The following COL4A5 variants were observed in gnomAD, a reference collection of about 807,000 sequenced individuals.
COL4A5 encodes the protein collagen type IV alpha 5 chain.
COL4A5 carries 26 observed loss-of-function variants against 130.2 expected under a neutral mutation model. That is an observed-to-expected ratio of 0.20 (90% CI 0.15 to 0.28). The LOEUF (loss-of-function observed/expected upper bound fraction) is 0.28, where lower values mean the gene tolerates loss of function less well. Among genes scored for constraint, COL4A5 ranks in the 10% least tolerant of loss-of-function variants. The pLI, the probability that COL4A5 is intolerant of heterozygous loss-of-function variation, is 1.00. For synonymous variants in COL4A5, 496 were observed against 439.6 expected (o/e 1.13, Z -1.60); for missense variants, 1,131 against 1,344.3 (o/e 0.84, Z 2.48).
At chrX:108,539,725 C>A in intron 1 of COL4A5, 21 bp from the exon 2 acceptor site, 1 of 1,192,413 alleles carries the variant, frequency 8.4e-7, no homozygotes, top group Non-Finnish European at 1.1e-6. Context: ...ATGATTTTTT[C>A]CCTCTTTCTC....
rs185391446 is a variant in COL4A5 at position 108,457,722 on chromosome X, A to G, written c.81+17516A>G. ...CCTCAAAATGTTTCCTCATATTGCTATGTAATTAACCTCTCTACTTACCCA... is the reference window on the plus strand; with the variant it reads ...CCTCAAAATGTTTCCTCATATTGCTGTGTAATTAACCTCTCTACTTACCCA... On this transcript the variant is annotated intron_variant, in intron 1 of 52. Transcript: ENST00000328300. Among the ~76,000 whole-genome samples the G allele has an allele frequency of 7.1e-4, 79 of 111,780 alleles. 1 individual carries two copies. The highest frequency in any genetic ancestry group is 4.7e-3 in the Middle Eastern group (1 of 215).
At chrX:108,445,633 C>T (rs1263387298) in intron 1 of COL4A5, among the ~76,000 whole-genome samples, 1 of 111,696 alleles carries the variant, frequency 9.0e-6, no homozygotes, top group Non-Finnish European at 1.9e-5. Context: ...TTTAGCCTCT[C>T]CCAGTTTCGT....
At chrX:108,453,980 A>C (rs1413949013) in intron 1 of COL4A5, among the ~76,000 whole-genome samples, 1 of 112,323 alleles carries the variant, frequency 8.9e-6, no homozygotes, top group African/African-American at 3.2e-5. Context: ...GACACACACA[A>C]AAAATAGCTA....
At chrX:108,497,642 A>G (rs1008185483) in intron 1 of COL4A5, among the ~76,000 whole-genome samples, 5 of 111,411 alleles carry the variant, frequency 4.5e-5, no homozygotes, top group African/African-American at 1.6e-4. Context: ...TGTATTCTGT[A>G]TTGCATTCTA....
chrX:108,601,801 A>G (rs748428530), intron 26 of COL4A5, 84 bp from the exon 27 acceptor site: 35 of 596,846 alleles, frequency 5.9e-5, no homozygotes, highest in Non-Finnish European at 8.9e-5. Context: ...AAGTGCTGGG[A>G]TTACAAGAGT....
intron 36 of COL4A5, among the ~76,000 whole-genome samples, chrX:108,650,290 T>C (rs931500921): frequency 9.0e-6 from 1 of 111,158 alleles, no homozygotes; most frequent in Non-Finnish European, 1.9e-5. Flanking sequence ...TTGGTGTGGA[T>C]GCGGTGATCA....
chrX:108,479,363 G>C lies in COL4A5; in HGVS notation c.81+39157G>C, dbSNP rs189819038. Among the ~76,000 whole-genome samples, 56 of 112,361 alleles carry C rather than the reference G, an allele frequency of 5.0e-4. No homozygotes were observed. The East Asian group carries it at 0.015, about 30-fold the overall frequency. On this transcript the variant is annotated intron_variant, in intron 1 of 52. Coordinates refer to ENST00000328300, the MANE Select transcript of COL4A5 (RefSeq NM_033380.3). ...GAATCAGTATACAATCGCACATCTG[G>C]CCATTTCTCCTTCCATGCAAAGTGC...
chrX:108,564,910 T>TA lies in COL4A5; in HGVS notation c.276+985dup, dbSNP rs767727729. 2.8e-4 allele frequency among the ~76,000 whole-genome samples: 31 copies of TA among 111,611 alleles called. No homozygotes were observed. The South Asian group carries it at 0.011, about 40-fold the overall frequency. Reference sequence around the variant, plus strand: ...TGCCTTATGTGCATCTTGTGACTGATACGGATAGGGTACTGGAGAAGCAGG... The same window carrying TA: ...TGCCTTATGTGCATCTTGTGACTGATAACGGATAGGGTACTGGAGAAGCAGG... On this transcript the variant is annotated intron_variant, in intron 4 of 52. Coordinates refer to ENST00000328300, the MANE Select transcript of COL4A5 (RefSeq NM_033380.3).
At chrX:108,505,283 G>A (rs1281122369) in intron 1 of COL4A5, among the ~76,000 whole-genome samples, 1 of 109,642 alleles carries the variant, frequency 9.1e-6, no homozygotes, top group Admixed American at 9.7e-5. Flanking sequence ...TCAGTACAGT[G>A]TACATTATTT....
Position 108,696,895 on chromosome X carries a change from C to G in COL4A5, c.*517C>G, listed in dbSNP as rs1286280357. ...AAAATGTTGAGTCATTTACATATGACATAGCATGAATCACTCTTTACAGAA... is the reference window on the plus strand; with the variant it reads ...AAAATGTTGAGTCATTTACATATGAGATAGCATGAATCACTCTTTACAGAA... On this transcript the variant is annotated 3_prime_UTR_variant, in exon 53 of 53. Transcript: ENST00000328300. 1 of 112,251 alleles carries G rather than the reference C, an allele frequency of 8.9e-6. No homozygotes were observed. Among genetic ancestry groups the G allele is most frequent in the African/African-American group, 3.3e-5 (1 of 30,669 alleles). The allele number at this position is 112,251 out of a possible 1,213,427, so 9.3% of individuals were successfully genotyped here.
intron 1 of COL4A5, among the ~76,000 whole-genome samples, chrX:108,489,074 A>G (rs186996734): frequency 2.7e-5 from 3 of 112,145 alleles, no homozygotes; most frequent in African/African-American, 9.7e-5. Context: ...AAATAGAATT[A>G]TCCTTTATTT....
intron 1 of COL4A5, among the ~76,000 whole-genome samples, chrX:108,458,267 C>T (rs1184455082): frequency 9.0e-6 from 1 of 111,474 alleles, no homozygotes; most frequent in African/African-American, 3.3e-5. Flanking sequence ...CAGTTTTTAT[C>T]CCATGTGTTT....
chrX:108,633,740 C>G (rs766809176), intron 36 of COL4A5, among the ~76,000 whole-genome samples: 2 of 111,537 alleles, frequency 1.8e-5, no homozygotes, highest in African/African-American at 3.2e-5. Flanking sequence ...AAATTTTACA[C>G]TAAATTTAGA....
chrX:108,632,884 G>A (rs994170334), intron 36 of COL4A5, among the ~76,000 whole-genome samples: 6 of 111,505 alleles, frequency 5.4e-5, no homozygotes, highest in Non-Finnish European at 1.1e-4. Flanking sequence ...TACTGAATGG[G>A]CAAAAACTGG....
intron 16 of COL4A5, 94 bp from the exon 17 acceptor site, chrX:108,582,790 A>C: frequency 1.5e-6 from 1 of 682,576 alleles, no homozygotes; most frequent in South Asian, 2.3e-5. Context: ...CATTTTTGCC[A>C]GTATTCTCAT....
intron 36 of COL4A5, among the ~76,000 whole-genome samples, chrX:108,645,712 T>C (rs2067567533): frequency 9.3e-6 from 1 of 107,442 alleles, no homozygotes; most frequent in Non-Finnish European, 1.9e-5. Context: ...GTATATCTCC[T>C]AATGCTCTCC....
At chrX:108,489,320 T>G (rs2064975190) in intron 1 of COL4A5, among the ~76,000 whole-genome samples, 1 of 111,695 alleles carries the variant, frequency 9.0e-6, no homozygotes, top group Admixed American at 9.5e-5. Flanking sequence ...ATCACCTCTA[T>G]TATAGCAGCT....
At chrX:108,472,294 G>T (rs923136914) in intron 1 of COL4A5, among the ~76,000 whole-genome samples, 1 of 111,436 alleles carries the variant, frequency 9.0e-6, no homozygotes, top group Non-Finnish European at 1.9e-5. Flanking sequence ...ATATGCACTT[G>T]GGAGGAATGT....
intron 1 of COL4A5, among the ~76,000 whole-genome samples, chrX:108,441,353 A>G (rs1394510183): frequency 8.9e-6 from 1 of 112,398 alleles, no homozygotes; most frequent in Non-Finnish European, 1.9e-5. Flanking sequence ...CTTTGTAAGC[A>G]GCTGCTATGT....
Sources: gnomAD v4.1 joint callset for allele counts (sites outside exome capture counted in the v4.1 genomes callset) on GRCh38, gnomAD v4.1.1 for gene constraint, MANE v1.5 for transcripts, NCBI Gene and HGNC (gene_info 2026-07-23, HGNC 2026-07-21) for gene names.